Variants in PRDM10 observed in about 807,000 individuals in gnomAD.
The protein encoded by PRDM10 is PR/SET domain 10, also known as PR domain zinc finger protein 10.
Under a neutral mutation model 133.1 loss-of-function variants are expected in PRDM10, and 65 were observed. The observed-to-expected ratio is 0.49, with a 90% CI of 0.40 to 0.60. The LOEUF (loss-of-function observed/expected upper bound fraction) is 0.60, where lower values mean the gene tolerates loss of function less well. PRDM10 is among the 20% of genes least tolerant of loss of function. The pLI is 0.00. For synonymous variants in PRDM10, 582 were observed against 580.4 expected (o/e 1.00, Z -0.04); for missense variants, 1,137 against 1,507.1 (o/e 0.75, Z 4.07).
intron 15 of PRDM10, among the ~76,000 whole-genome samples, chr11:129,916,513 C>G (rs188890813): frequency 4.1e-4 from 62 of 152,328 alleles, no homozygotes; most frequent in African/African-American, 1.5e-3. Flanking sequence ...GGGCTGGCGC[C>G]TGTAATCCCA....
chr11:129,993,898 C>T (rs1291956656), intron 1 of PRDM10, among the ~76,000 whole-genome samples: 1 of 152,132 alleles, frequency 6.6e-6, no homozygotes, highest in Non-Finnish European at 1.5e-5. Context: ...TTAGAATCAG[C>T]TTGTCTAATT....
chr11:129,970,851 T>C (rs1017072942), intron 1 of PRDM10, among the ~76,000 whole-genome samples: 1 of 152,160 alleles, frequency 6.6e-6, no homozygotes, highest in African/African-American at 2.4e-5. Context: ...CGACCCCCCT[T>C]CTTTTTTAAG....
At chr11:129,948,199 T>C in intron 4 of PRDM10, 1 of 412,614 alleles carries the variant, frequency 2.4e-6, no homozygotes, top group South Asian at 1.8e-5. Context: ...CTTAAAAAGT[T>C]CTCCTGCCTC....
intron 1 of PRDM10, among the ~76,000 whole-genome samples, chr11:129,975,951 G>T (rs938657913): frequency 6.6e-6 from 1 of 152,218 alleles, no homozygotes; most frequent in Non-Finnish European, 1.5e-5. Context: ...TGTACTAGAG[G>T]TGGGGTCATG....
chr11:130,001,432 G>C (rs541079834), intron 1 of PRDM10, among the ~76,000 whole-genome samples: 175 of 152,276 alleles, frequency 1.1e-3, no homozygotes, highest in Middle Eastern at 3.4e-3. Context: ...GTACTGCTAA[G>C]TTTAGAGAAT....
rs1565515028 is a variant in PRDM10 at position 129,990,300 on chromosome 11, C to G, written c.-119+12422G>C. On this transcript the variant is annotated intron_variant, in intron 1 of 20. Coordinates refer to ENST00000360871, the MANE Select transcript of PRDM10 (RefSeq NM_199437.2). ...GGCGGAGCTTGCAGTGAGCTGAGATCGAGCCACTGCACTCCAGCCTGGGTG... is the reference window on the plus strand; with the variant it reads ...GGCGGAGCTTGCAGTGAGCTGAGATGGAGCCACTGCACTCCAGCCTGGGTG... Among the ~76,000 whole-genome samples, 6 of 151,468 alleles carry G rather than the reference C, an allele frequency of 4.0e-5. No homozygotes were observed. The South Asian group carries it at 8.3e-4, about 21-fold the overall frequency.
rs776413906 is a variant in PRDM10 at position 129,914,719 on chromosome 11, C to T, written c.2826G>A (p.Val942=). The T allele has an allele frequency of 8.1e-6, 13 of 1,614,112 alleles. No homozygotes were observed. The East Asian group carries it at 8.9e-5, about 11-fold the overall frequency. The change falls in exon 17 of 21, where the codon GTG becomes GTA. Residue 942 remains valine (V), a synonymous_variant. Transcript: ENST00000360871. ...CACGCAGTACCGAGGCCACTTGAAC[C>T]ACTTGCAGCTGTATGTGCTGAGGCT... is the stretch of plus-strand genomic sequence containing the variant. ...LQQPQHIQLQ[V]VQVASATSPH...
chr11:129,963,394 GAGAAGAGAAGAGA>G (rs761688192), intron 1 of PRDM10, among the ~76,000 whole-genome samples: 6,551 of 143,026 alleles, frequency 0.046, 509 homozygotes, highest in East Asian at 0.28. Context: ...GAGAAGAGAA[GAGAAGAGAAGAGA>G]AGAGAAGAGA....
intron 1 of PRDM10, among the ~76,000 whole-genome samples, chr11:130,001,204 T>C (rs527747923): frequency 1.4e-4 from 21 of 151,746 alleles, no homozygotes; most frequent in African/African-American, 4.8e-4. Flanking sequence ...TAAAAAAAAA[T>C]CTTGTTTTCT....
chr11:129,998,719 C>T (rs760017075), intron 1 of PRDM10, among the ~76,000 whole-genome samples: 1 of 151,720 alleles, frequency 6.6e-6, no homozygotes, highest in East Asian at 1.9e-4. Flanking sequence ...AAAATCTACA[C>T]AAGGATGGTC....
rs1461683368 is a variant in PRDM10 at position 129,918,987 on chromosome 11, CATTT to C, written c.2035-273_2035-270del. 2.0e-5 allele frequency among the ~76,000 whole-genome samples: 3 copies of C among 152,062 alleles called. No individual in the cohort carries two copies. The highest frequency in any genetic ancestry group is 3.8e-4 in the East Asian group (2 of 5,200). ...CCGACTTTTGAGAATAAAGACTGTG[CATTT>C]ATGTAGAGGAGATTAAAGAGAACAC... On this transcript the variant is annotated intron_variant, in intron 13 of 20. Coordinates refer to ENST00000360871, the MANE Select transcript of PRDM10 (RefSeq NM_199437.2). This position sits in a 1 kb window ranked among gnomAD's most constrained non-coding sequence, Gnocchi z 5.3.
Position 129,900,344 on chromosome 11 carries a change from AAAG to A in PRDM10, c.*1966_*1968del, listed in dbSNP as rs57861880. 17,769 of 151,086 alleles carry A rather than the reference AAAG, an allele frequency of 0.12. 1,258 individuals are homozygous for A. Among genetic ancestry groups the A allele is most frequent in the African/African-American group, 0.19 (7,991 of 41,034 alleles). The allele number at this position is 151,086 out of a possible 1,614,324, so 9.4% of individuals were successfully genotyped here. ...AGAGTCTTTATTTCACTTAAGGACC[AAAG>A]AAGAAGAAGAAGAAGAAGAAGAAGA... On this transcript the variant is annotated 3_prime_UTR_variant, in exon 21 of 21. Transcript: ENST00000360871.
chr11:129,998,207 G>A (rs942206721), intron 1 of PRDM10, among the ~76,000 whole-genome samples: 3 of 152,008 alleles, frequency 2.0e-5, no homozygotes, highest in African/African-American at 7.2e-5. Context: ...CAAAATCTGA[G>A]TGTATGTATT....
At chr11:129,958,297 T>A (rs530999794) in intron 2 of PRDM10, among the ~76,000 whole-genome samples, 1 of 152,200 alleles carries the variant, frequency 6.6e-6, no homozygotes, top group African/African-American at 2.4e-5. Flanking sequence ...CAACACATCA[T>A]AAGAATTCTA....
intron 20 of PRDM10, among the ~76,000 whole-genome samples, chr11:129,903,600 C>T (rs929763496): frequency 5.3e-5 from 8 of 152,088 alleles, no homozygotes; most frequent in Admixed American, 1.3e-4. Context: ...ATGTGTCTGT[C>T]GGTCAGAAGG....
rs568889433 is a variant in PRDM10 at position 129,919,313 on chromosome 11, G to A, written c.2035-595C>T. On this transcript the variant is annotated intron_variant, in intron 13 of 20. Coordinates refer to ENST00000360871, the MANE Select transcript of PRDM10 (RefSeq NM_199437.2). ...ATCTGGGAGGTGGAGGCTGCACTGA[G>A]TTGAGATCACACCACTGCACTCCAG... Among the ~76,000 whole-genome samples, 128 of 152,344 alleles carry A rather than the reference G, an allele frequency of 8.4e-4. 3 individuals are homozygous for A. In the South Asian group the frequency reaches 0.025, roughly 30 times the overall value.
intron 7 of PRDM10, among the ~76,000 whole-genome samples, chr11:129,938,642 T>C (rs1951111029): frequency 6.6e-6 from 1 of 152,188 alleles, no homozygotes; most frequent in African/African-American, 2.4e-5. Flanking sequence ...CAAATCCCAG[T>C]TACCCCAGTT....
chr11:129,979,430 G>A (rs996927426), intron 1 of PRDM10, among the ~76,000 whole-genome samples: 7 of 152,092 alleles, frequency 4.6e-5, no homozygotes, highest in Non-Finnish European at 8.8e-5. Context: ...AGCGCAGTTC[G>A]GAGCTCACCT....
chr11:129,917,882 G>A (rs1204516897), intron 14 of PRDM10, among the ~76,000 whole-genome samples: 1 of 152,224 alleles, frequency 6.6e-6, no homozygotes, highest in African/African-American at 2.4e-5. Context: ...TGTAATCCCA[G>A]CATTCTGGGA....
Sources: gnomAD v4.1 joint callset for allele counts (sites outside exome capture counted in the v4.1 genomes callset) on GRCh38, gnomAD v4.1.1 for gene constraint, Gnocchi (gnomAD v3.1) non-coding constraint, MANE v1.5 for transcripts, NCBI Gene and HGNC (gene_info 2026-07-23, HGNC 2026-07-21) for gene names.